Variants in PVT1 observed in about 807,000 individuals in gnomAD.
PVT1 encodes the protein Pvt1 oncogene, also known as CXCR4/PVT1 fusion.
rs74858475 is a variant in PVT1 at position 127,905,929 on chromosome 8, C to T, written n.782+14931C>T. The stretch of plus-strand genomic sequence containing the variant: ...CAAGTTATTTAACTTCTCTTGACCT[C>T]GGTTTCCCCATCTGTAAAATGGGGC... On this transcript the variant is annotated intron_variant and non_coding_transcript_variant, in intron 3 of 10. Coordinates refer to ENST00000651587, the Ensembl canonical transcript of PVT1. Among the ~76,000 whole-genome samples the T allele has an allele frequency of 4.2e-4, 64 of 152,268 alleles. No homozygotes were observed. In the East Asian group the frequency reaches 9.3e-3, roughly 22 times the overall value.
chr8:127,826,805 A>G (rs1199932952), intron 2 of PVT1, among the ~76,000 whole-genome samples: 1 of 152,090 alleles, frequency 6.6e-6, no homozygotes, highest in Admixed American at 6.5e-5. Context: ...TAGTTCTTCA[A>G]TTAATAAGCA....
At chr8:127,903,560 T>G (rs967966885) in intron 3 of PVT1, among the ~76,000 whole-genome samples, 1 of 152,238 alleles carries the variant, frequency 6.6e-6, no homozygotes, top group Non-Finnish European at 1.5e-5. Flanking sequence ...TTTTATAGTT[T>G]GAAGTCTTAA....
chr8:127,876,743 T>A (rs1353724063), intron 2 of PVT1, among the ~76,000 whole-genome samples: 1 of 152,174 alleles, frequency 6.6e-6, no homozygotes, highest in Non-Finnish European at 1.5e-5. Flanking sequence ...TTTCCACAAC[T>A]CCTGTCCTCC....
chr8:128,033,442 A>G (rs756662764), intron 4 of PVT1, among the ~76,000 whole-genome samples: 2 of 152,174 alleles, frequency 1.3e-5, no homozygotes, highest in Non-Finnish European at 2.9e-5. Context: ...GAAGGAAAAG[A>G]AGCTTTAGGA....
chr8:127,828,817 T>A (rs1814819707), intron 2 of PVT1, among the ~76,000 whole-genome samples: 1 of 152,130 alleles, frequency 6.6e-6, no homozygotes, highest in Admixed American at 6.5e-5. Flanking sequence ...GATGGACTAT[T>A]TTTTTCCCCT....
chr8:127,849,923 G>A (rs13279748), intron 2 of PVT1, among the ~76,000 whole-genome samples: 4 of 114,198 alleles, frequency 3.5e-5, no homozygotes, highest in Admixed American at 8.0e-5. Context: ...CTGCGTGCAC[G>A]TGCGTGGGTG....
chr8:128,053,481 T>C (rs1309593569), intron 4 of PVT1, among the ~76,000 whole-genome samples: 1 of 150,724 alleles, frequency 6.6e-6, no homozygotes, highest in Non-Finnish European at 1.5e-5. Flanking sequence ...TTAATATATA[T>C]AGGTATTATT....
chr8:127,961,012 C>T (rs983944831), intron 3 of PVT1, among the ~76,000 whole-genome samples: 1 of 151,456 alleles, frequency 6.6e-6, no homozygotes, highest in Admixed American at 6.6e-5. Context: ...AGCCAAGGTG[C>T]CTGCCTGGGG....
At position 127,954,171 on chromosome 8, in the gene PVT1, A is replaced by G. The variant is rs543773931; in HGVS notation, n.783-34991A>G. Among the ~76,000 whole-genome samples the G allele has an allele frequency of 1.5e-4, 23 of 152,224 alleles. 1 individual carries two copies. The highest frequency in any genetic ancestry group is 5.5e-4 in the African/African-American group (23 of 41,534). On this transcript the variant is annotated intron_variant and non_coding_transcript_variant, in intron 3 of 10. Coordinates refer to ENST00000651587, the Ensembl canonical transcript of PVT1. ...CTTATGTGCCTCAGAATGTTATTTG[A>G]GAATCATTCTGAGGGATGACAGAGG...
At chr8:127,857,888 A>G (rs1815178472) in intron 2 of PVT1, among the ~76,000 whole-genome samples, 1 of 152,264 alleles carries the variant, frequency 6.6e-6, no homozygotes, top group Non-Finnish European at 1.5e-5. Context: ...AACCGTCTTC[A>G]AATGAGTCTT....
chr8:127,876,278 G>GTA (rs1255336957), intron 2 of PVT1, among the ~76,000 whole-genome samples: 1 of 138,992 alleles, frequency 7.2e-6, no homozygotes, highest in African/African-American at 2.7e-5. Flanking sequence ...GTGTGTGTGT[G>GTA]TGTGTATGTG....
chr8:127,961,484 TG>T (rs1375393607), intron 3 of PVT1, among the ~76,000 whole-genome samples: 1 of 152,116 alleles, frequency 6.6e-6, no homozygotes. Flanking sequence ...GCGGAGGTGA[TG>T]GGGATTGTTT....
At chr8:127,965,640 C>A (rs897875441) in intron 3 of PVT1, among the ~76,000 whole-genome samples, 1 of 152,228 alleles carries the variant, frequency 6.6e-6, no homozygotes, top group African/African-American at 2.4e-5. Flanking sequence ...GTGTCAGTTG[C>A]AGGCACTTCA....
intron 4 of PVT1, chr8:128,049,290 C>T (rs1346821096): frequency 2.1e-6 from 1 of 486,740 alleles, no homozygotes; most frequent in East Asian, 5.7e-5. Context: ...GTCTTGGAGC[C>T]ACTGATAGAA....
chr8:127,798,948 C>G (rs868230300), intron 2 of PVT1, among the ~76,000 whole-genome samples: 2 of 152,104 alleles, frequency 1.3e-5, no homozygotes, highest in Non-Finnish European at 1.5e-5. Context: ...AGGTATAGCA[C>G]TGGATTTTGT....
At chr8:127,868,811 A>G (rs1344353121) in intron 2 of PVT1, among the ~76,000 whole-genome samples, 37 of 142,478 alleles carry the variant, frequency 2.6e-4, no homozygotes, top group Non-Finnish European at 3.6e-4. Flanking sequence ...ATGTACATAT[A>G]TATATATATG....
At chr8:128,052,985 T>C (rs570835358) in intron 4 of PVT1, among the ~76,000 whole-genome samples, 1 of 152,364 alleles carries the variant, frequency 6.6e-6, no homozygotes, top group Admixed American at 6.5e-5. Context: ...CAGACCTTTC[T>C]AGTGCTTTCT....
intron 3 of PVT1, among the ~76,000 whole-genome samples, chr8:127,901,059 G>T (rs892449145): frequency 5.3e-5 from 8 of 152,220 alleles, no homozygotes; most frequent in South Asian, 2.1e-4. Flanking sequence ...AGAAATAGGG[G>T]CCTGGAGTGG....
chr8:127,902,684 G>T (rs1300249345), intron 3 of PVT1, among the ~76,000 whole-genome samples: 2 of 152,064 alleles, frequency 1.3e-5, no homozygotes, highest in African/African-American at 4.8e-5. Flanking sequence ...AGAACATGCG[G>T]TATTTTGTTT....
Sources: gnomAD v4.1 joint callset for allele counts (sites outside exome capture counted in the v4.1 genomes callset) on GRCh38, gnomAD v4.1.1 for gene constraint, MANE v1.5 for transcripts, NCBI Gene and HGNC (gene_info 2026-07-23, HGNC 2026-07-21) for gene names.